LUZP2: variants seen among roughly 807,000 people sequenced by gnomAD.
LUZP2 encodes leucine zipper protein 2.
Under a neutral mutation model 51.6 loss-of-function variants are expected in LUZP2, and 52 were observed. The ratio of observed to expected loss-of-function variants is 1.01; its 90% confidence interval spans 0.81 to 1.27. The LOEUF (loss-of-function observed/expected upper bound fraction) is 1.27. Ranked by LOEUF, LUZP2 falls within the 50% of genes most tolerant of loss-of-function variation. The pLI is 0.00. For missense variants in LUZP2, 436 were observed against 395.4 expected (o/e 1.10, Z -0.87); for synonymous variants, 154 against 137.3 (o/e 1.12, Z -0.85).
At chr11:24,891,483 A>G in intron 5 of LUZP2, 1 of 951,694 alleles carries the variant, frequency 1.1e-6, no homozygotes. Context: ...CTTTACTATA[A>G]AGCTATATTA....
intron 5 of LUZP2, among the ~76,000 whole-genome samples, chr11:24,830,378 C>T (rs1257170925): frequency 1.9e-5 from 2 of 106,756 alleles, no homozygotes; most frequent in East Asian, 4.5e-4. Context: ...AATATAAAAT[C>T]GTATTGTCCA....
intron 1 of LUZP2, among the ~76,000 whole-genome samples, chr11:24,510,758 A>G (rs1850283351): frequency 6.6e-6 from 1 of 152,212 alleles, no homozygotes; most frequent in Non-Finnish European, 1.5e-5. Context: ...CTAAAAATTC[A>G]TTTTTAAAAA....
At chr11:24,976,397 T>A (rs117668100) in intron 7 of LUZP2, among the ~76,000 whole-genome samples, 194 bp from the exon 8 acceptor site, 2,498 of 151,988 alleles carry the variant, frequency 0.016, 38 homozygotes, top group South Asian at 0.084. Flanking sequence ...TTTCTGCATA[T>A]TAAATATTCT....
chr11:24,804,206 A>G (rs1394728513), intron 5 of LUZP2, among the ~76,000 whole-genome samples: 2 of 152,130 alleles, frequency 1.3e-5, no homozygotes, highest in East Asian at 1.9e-4. Context: ...TTATTATATC[A>G]CAAAATCACT....
chr11:24,699,834 C>T (rs1433264557), intron 1 of LUZP2, among the ~76,000 whole-genome samples: 4 of 149,488 alleles, frequency 2.7e-5, no homozygotes, highest in Non-Finnish European at 5.9e-5. Flanking sequence ...GTGTATGATG[C>T]CACTAAGAGA....
chr11:24,960,934 G>T (rs181831249), intron 7 of LUZP2, among the ~76,000 whole-genome samples: 1 of 151,968 alleles, frequency 6.6e-6, no homozygotes, highest in Admixed American at 6.6e-5. Flanking sequence ...CCCAGAGATT[G>T]TGGTATGTTG....
At position 24,559,730 on chromosome 11, in the gene LUZP2, TA is replaced by T. The variant is rs560647341; in HGVS notation, c.62+62431del. ...AATTTTCTCCTTAGAGCAGAATAAA[TA>T]AAAAATCAGAGTTACAGTGTGTTAG... On this transcript the variant is annotated intron_variant, in intron 1 of 11. Transcript: ENST00000336930. Among the ~76,000 whole-genome samples the T allele has an allele frequency of 4.7e-4, 71 of 152,286 alleles. No homozygotes were observed. In the Middle Eastern group the frequency reaches 0.017, roughly 36 times the overall value.
intron 9 of LUZP2, among the ~76,000 whole-genome samples, chr11:25,033,663 A>G (rs1857768235): frequency 6.6e-6 from 1 of 152,180 alleles, no homozygotes; most frequent in Admixed American, 6.6e-5. Context: ...CTTATAAGTG[A>G]AAACAAGCAG....
At chr11:25,006,052 C>A (rs1427071875) in intron 9 of LUZP2, among the ~76,000 whole-genome samples, 1 of 152,034 alleles carries the variant, frequency 6.6e-6, no homozygotes, top group Non-Finnish European at 1.5e-5. Flanking sequence ...CTGAGGCTCC[C>A]CATATCCCCT....
intron 1 of LUZP2, among the ~76,000 whole-genome samples, chr11:24,707,416 A>G (rs1857631872): frequency 6.6e-6 from 1 of 152,094 alleles, no homozygotes; most frequent in Non-Finnish European, 1.5e-5. Flanking sequence ...AGAAAAGCTT[A>G]ACAGTTGTCA....
In LUZP2 at chr11:24,642,189, G is replaced by GA. The variant is rs530592427; in HGVS notation, c.63-86978dup. ...AGGTGTGAGCCACCTCGCCCGGCCAGAAGTTAATATTTTAAGACATAGGAT... is the reference window on the plus strand; with the variant it reads ...AGGTGTGAGCCACCTCGCCCGGCCAGAAAGTTAATATTTTAAGACATAGGAT... On this transcript the variant is annotated intron_variant, in intron 1 of 11. Transcript: ENST00000336930. 3.3e-3 allele frequency among the ~76,000 whole-genome samples: 497 copies of GA among 151,882 alleles called. 13 individuals are homozygous for GA. Among genetic ancestry groups the GA allele is most frequent in the African/African-American group, 0.012 (481 of 41,242 alleles).
At chr11:24,601,966 A>C (rs966428298) in intron 1 of LUZP2, among the ~76,000 whole-genome samples, 2 of 131,258 alleles carry the variant, frequency 1.5e-5, no homozygotes, top group Non-Finnish European at 3.1e-5. Context: ...ATATATGTAT[A>C]TATGTGTATA....
intron 9 of LUZP2, among the ~76,000 whole-genome samples, chr11:25,044,851 CA>C (rs1858243522): frequency 6.6e-6 from 1 of 151,902 alleles, no homozygotes; most frequent in South Asian, 2.1e-4. Context: ...AAATGTGGCA[CA>C]TATACACCAC....
intron 10 of LUZP2, among the ~76,000 whole-genome samples, chr11:25,054,788 T>C (rs1251812260): frequency 6.6e-6 from 1 of 152,102 alleles, no homozygotes; most frequent in African/African-American, 2.4e-5. Context: ...GAGATGTTTT[T>C]ATACAGGTAT....
At chr11:25,047,181 A>G (rs1419157580) in intron 9 of LUZP2, among the ~76,000 whole-genome samples, 2 of 152,004 alleles carry the variant, frequency 1.3e-5, no homozygotes, top group African/African-American at 2.4e-5. Flanking sequence ...TTCCAGTATT[A>G]CTATTTATTT....
chr11:24,863,059 A>G (rs1851786693), intron 5 of LUZP2, among the ~76,000 whole-genome samples: 5 of 152,184 alleles, frequency 3.3e-5, no homozygotes, highest in Admixed American at 3.3e-4. Flanking sequence ...CACTAGCTAT[A>G]GGTAAGGATG....
intron 1 of LUZP2, among the ~76,000 whole-genome samples, chr11:24,723,024 C>T (rs557669444): frequency 7.2e-5 from 11 of 152,028 alleles, no homozygotes; most frequent in African/African-American, 2.7e-4. Flanking sequence ...ATAAATACCT[C>T]CCACAAATCA....
chr11:25,032,872 G>T (rs373865142), intron 9 of LUZP2, among the ~76,000 whole-genome samples: 2 of 152,130 alleles, frequency 1.3e-5, no homozygotes, highest in East Asian at 3.9e-4. Context: ...TTATTCTGAA[G>T]TTAGATCAAA....
intron 7 of LUZP2, among the ~76,000 whole-genome samples, chr11:24,932,343 G>A (rs1854478994): frequency 6.6e-6 from 1 of 152,102 alleles, no homozygotes; most frequent in Admixed American, 6.5e-5. Context: ...CTCAGGCAGT[G>A]GGTGGGGCCA....
Sources: gnomAD v4.1 joint callset for allele counts (sites outside exome capture counted in the v4.1 genomes callset) on GRCh38, gnomAD v4.1.1 for gene constraint, MANE v1.5 for transcripts, NCBI Gene and HGNC (gene_info 2026-07-23, HGNC 2026-07-21) for gene names.